EML4: variants seen among roughly 807,000 people sequenced by gnomAD.
EML4 encodes echinoderm microtubule-associated protein-like 4.
A neutral mutation model predicts 129.0 loss-of-function variants in EML4; 72 were observed. That is an observed-to-expected ratio of 0.56 (90% CI 0.46 to 0.68). The LOEUF (loss-of-function observed/expected upper bound fraction) is 0.68. Among genes scored for constraint, EML4 ranks in the 30% least tolerant of loss-of-function variants. The pLI is 0.00. For missense variants in EML4, 1,363 were observed against 1,190.6 expected (o/e 1.14, Z -2.13); for synonymous variants, 532 against 405.0 (o/e 1.31, Z -3.77).
intron 1 of EML4, among the ~76,000 whole-genome samples, chr2:42,171,694 A>G (rs999204819): frequency 6.6e-6 from 1 of 152,158 alleles, no homozygotes; most frequent in Non-Finnish European, 1.5e-5. Flanking sequence ...CAGAGGAGAT[A>G]TGCCTATCAG....
At chr2:42,276,946 A>G (rs965705522) in intron 6 of EML4, among the ~76,000 whole-genome samples, 16 of 152,222 alleles carry the variant, frequency 1.1e-4, no homozygotes, top group African/African-American at 3.9e-4. Flanking sequence ...CAGAAAAGTT[A>G]GAAGCACTAC....
At chr2:42,178,376 C>G (rs190433632) in intron 1 of EML4, among the ~76,000 whole-genome samples, 5 of 150,394 alleles carry the variant, frequency 3.3e-5, no homozygotes, top group Middle Eastern at 3.4e-3. Context: ...GACCCTGTCT[C>G]TACCAAAAAA....
Position 42,263,321 on chromosome 2 carries a change from T to C in EML4, c.641+15T>C, listed in dbSNP as rs1356111670. ...ACTGCAGACAAGTAAGTATTGCACT[T>C]TCTTCATTATATCTGAAAAGTAATA... On this transcript the variant is annotated intron_variant, in intron 5 of 22. Transcript: ENST00000318522. 6.9e-6 allele frequency: 11 copies of C among 1,604,334 alleles called. No individual in the cohort carries two copies. The highest frequency in any genetic ancestry group is 9.4e-6 in the Non-Finnish European group (11 of 1,175,726).
chr2:42,205,371 G>C (rs1672482093), intron 1 of EML4, among the ~76,000 whole-genome samples: 1 of 152,158 alleles, frequency 6.6e-6, no homozygotes, highest in Admixed American at 6.5e-5. Context: ...AAGTTTATCA[G>C]CAAAAGTTGA....
At chr2:42,293,258 A>G (rs1252650953) in intron 11 of EML4, among the ~76,000 whole-genome samples, 2 of 151,972 alleles carry the variant, frequency 1.3e-5, no homozygotes, top group South Asian at 2.1e-4. Context: ...TACAGCGCGC[A>G]CCGCCACGCC....
At chr2:42,287,531 C>G (rs1287230854) in intron 10 of EML4, among the ~76,000 whole-genome samples, 1 of 152,252 alleles carries the variant, frequency 6.6e-6, no homozygotes, top group South Asian at 2.1e-4. Flanking sequence ...TCACTCTTCA[C>G]TACAATGTTT....
At chr2:42,290,858 T>A (rs1284599840) in intron 11 of EML4, among the ~76,000 whole-genome samples, 1 of 152,236 alleles carries the variant, frequency 6.6e-6, no homozygotes, top group African/African-American at 2.4e-5. Context: ...AAGACGTCAC[T>A]TTTGCATATT....
chr2:42,204,494 A>G (rs1169481756), intron 1 of EML4, among the ~76,000 whole-genome samples: 1 of 152,230 alleles, frequency 6.6e-6, no homozygotes, highest in Admixed American at 6.5e-5. Flanking sequence ...AGCCATTGAC[A>G]GTACCCAAAA....
intron 3 of EML4, among the ~76,000 whole-genome samples, chr2:42,259,815 C>T (rs1392733974): frequency 3.3e-5 from 5 of 149,338 alleles, no homozygotes; most frequent in East Asian, 2.0e-4. Flanking sequence ...CTGCAAGCTC[C>T]GCCTCCTGGG....
intron 1 of EML4, among the ~76,000 whole-genome samples, chr2:42,221,456 C>G (rs184123828): frequency 1.4e-3 from 196 of 141,472 alleles, no homozygotes; most frequent in Non-Finnish European, 2.3e-3. Context: ...GTCACCCAGG[C>G]TAGAGCGCAG....
intron 21 of EML4, among the ~76,000 whole-genome samples, chr2:42,327,780 A>G (rs1341013719): frequency 6.6e-6 from 1 of 152,234 alleles, no homozygotes. Flanking sequence ...AGGTAATTAA[A>G]ATACTGGATA....
intron 1 of EML4, among the ~76,000 whole-genome samples, chr2:42,244,423 A>G (rs1675252519): frequency 6.6e-6 from 1 of 152,024 alleles, no homozygotes. Context: ...ATATGTTTGG[A>G]TTCTTATTGA....
intron 2 of EML4, among the ~76,000 whole-genome samples, chr2:42,253,892 C>A (rs1675953889): frequency 7.2e-5 from 11 of 152,056 alleles, no homozygotes; most frequent in Admixed American, 6.6e-4. Context: ...CAAGCATAAG[C>A]TATAAGAGAA....
At chr2:42,192,352 G>A (rs750064128) in intron 1 of EML4, among the ~76,000 whole-genome samples, 5 of 150,886 alleles carry the variant, frequency 3.3e-5, no homozygotes, top group Admixed American at 1.3e-4. Context: ...AGATTCTCCC[G>A]CCTCAGCCTC....
At chr2:42,326,414 A>G (rs1482475801) in intron 21 of EML4, among the ~76,000 whole-genome samples, 162 bp downstream of exon 21, 1 of 152,232 alleles carries the variant, frequency 6.6e-6, no homozygotes, top group Non-Finnish European at 1.5e-5. Flanking sequence ...TTGAACCAAC[A>G]TGGGATTTGT....
chr2:42,199,417 A>G (rs1308218753), intron 1 of EML4, among the ~76,000 whole-genome samples: 3 of 152,220 alleles, frequency 2.0e-5, no homozygotes, highest in Non-Finnish European at 2.9e-5. Context: ...AAGTTGATTG[A>G]TGATAATGAT....
intron 1 of EML4, among the ~76,000 whole-genome samples, chr2:42,205,746 G>A (rs1309491501): frequency 6.6e-6 from 1 of 152,208 alleles, no homozygotes; most frequent in Non-Finnish European, 1.5e-5. Flanking sequence ...GTTGGCTATA[G>A]CTTATGGTAT....
intron 1 of EML4, among the ~76,000 whole-genome samples, chr2:42,171,266 T>C (rs1036032148): frequency 6.6e-6 from 1 of 152,196 alleles, no homozygotes; most frequent in Non-Finnish European, 1.5e-5. Flanking sequence ...AAATTGAGTG[T>C]CTTCTTAGGG....
intron 6 of EML4, among the ~76,000 whole-genome samples, chr2:42,277,462 C>A (rs1363374522): frequency 6.6e-6 from 1 of 152,154 alleles, no homozygotes; most frequent in Non-Finnish European, 1.5e-5. Flanking sequence ...GATGTTGAAA[C>A]CATAGTGTGG....
Sources: gnomAD v4.1 joint callset for allele counts (sites outside exome capture counted in the v4.1 genomes callset) on GRCh38, gnomAD v4.1.1 for gene constraint, MANE v1.5 for transcripts, NCBI Gene and HGNC (gene_info 2026-07-23, HGNC 2026-07-21) for gene names.